AACS: variants seen among roughly 807,000 people sequenced by gnomAD.
The protein encoded by AACS is acetoacetyl-CoA synthetase, also known as acetoacetate-CoA ligase.
In AACS, 69 loss-of-function variants were observed where a neutral mutation model predicts 83.1. The observed-to-expected ratio is 0.83, with a 90% CI of 0.68 to 1.01. AACS has a LOEUF of 1.01. AACS is among the 50% of genes least tolerant of loss of function. AACS has a pLI of 0.00. For synonymous variants in AACS, 333 were observed against 343.4 expected (o/e 0.97, Z 0.33); for missense variants, 866 against 882.2 (o/e 0.98, Z 0.23).
At chr12:125,134,959 C>G (rs1303267463) in intron 16 of AACS, 107 bp downstream of exon 16, 4 of 1,296,100 alleles carry the variant, frequency 3.1e-6, no homozygotes, top group Non-Finnish European at 4.4e-6. Flanking sequence ...CCCTTGTTCT[C>G]TGGTGTGACA....
chr12:125,077,956 C>G (rs551811221), intron 3 of AACS: 1 of 359,772 alleles, frequency 2.8e-6, no homozygotes, highest in African/African-American at 2.1e-5. Context: ...TGATTCCCCC[C>G]GCCTCGGCCT....
intron 4 of AACS, among the ~76,000 whole-genome samples, chr12:125,087,461 G>A (rs1022875100): frequency 1.3e-5 from 2 of 152,242 alleles, no homozygotes; most frequent in Non-Finnish European, 2.9e-5. Flanking sequence ...GATGCAGGTA[G>A]GTGTGTACAT....
rs777134166 is a variant in AACS, at chr12:125,129,420, C to T, written c.1509C>T (p.Asn503=). Residue 503 remains asparagine, a synonymous_variant, in exon 14 of 18, where the codon AAC becomes AAT. Coordinates refer to ENST00000316519, the MANE Select transcript of AACS (RefSeq NM_023928.5). This position sits in a 1 kb window ranked among gnomAD's most constrained non-coding sequence, Gnocchi z 4.3. ...CQPTHFWNDE[N]GNKYRKAYFS... ...CCACACACTTCTGGAACGATGAGAA[C>T]GGCAACAAGTACAGGAAGGCGTATT... 38 of 1,613,970 alleles carry T rather than the reference C, an allele frequency of 2.4e-5. No individual in the cohort carries two copies. Among genetic ancestry groups the T allele is most frequent in the South Asian group, 2.1e-4 (19 of 91,068 alleles).
At chr12:125,088,853 A>G (rs1956398389) in intron 4 of AACS, among the ~76,000 whole-genome samples, 3 of 152,168 alleles carry the variant, frequency 2.0e-5, no homozygotes, top group Admixed American at 2.0e-4. Context: ...TCTCAGTTGG[A>G]TACGGATTTG....
rs1592987867 is a variant in AACS, at chr12:125,114,411, A to G, written c.916-66A>G. On this transcript the variant is annotated intron_variant, in intron 8 of 17. Transcript: ENST00000316519. The stretch of plus-strand genomic sequence containing the variant: ...GCAGCGTCTGAGCAGCGCGTGGGCC[A>G]GGTACCAGATTCCTGGTACTGTATG... The G allele has an allele frequency of 3.7e-6, 5 of 1,348,846 alleles. No homozygotes were observed. The East Asian group carries it at 7.0e-5, about 19-fold the overall frequency. The allele number at this position is 1,348,846 out of a possible 1,614,324, so 83.6% of individuals were successfully genotyped here. A position where few individuals can be genotyped will look rare whatever the true frequency, so the allele number is the denominator to read the frequency against.
chr12:125,137,037 A>G (rs973765174), intron 17 of AACS, among the ~76,000 whole-genome samples, 173 bp downstream of exon 17: 3 of 152,170 alleles, frequency 2.0e-5, no homozygotes, highest in Non-Finnish European at 4.4e-5. Flanking sequence ...CTAAGACTGC[A>G]TTTAAAGCAA....
At chr12:125,117,117 A>AT (rs1399256236) in intron 9 of AACS, among the ~76,000 whole-genome samples, 19 of 150,964 alleles carry the variant, frequency 1.3e-4, no homozygotes, top group Non-Finnish European at 2.4e-4. Flanking sequence ...AATTAAAATA[A>AT]TTTTTTTTTG....
chr12:125,142,177 A>G lies in AACS; in HGVS notation c.1967A>G (p.Asn656Ser), dbSNP rs1957510137. 1.2e-6 allele frequency: 2 copies of G among 1,613,776 alleles called. No homozygotes were observed. The highest frequency in any genetic ancestry group is 2.7e-5 in the African/African-American group (2 of 74,820). ...KAVEQGGAFS[N>S]PETLDLYRDI... ...GTGGAGCAAGGAGGTGCTTTCTCGA[A>G]CCCCGAGACCCTGGATCTGTACCGG... Residue 656 changes from asparagine to serine, a missense_variant, in exon 18 of 18, where the codon AAC (asparagine) becomes AGC (serine). By Grantham distance (46) the Asn-to-Ser change is conservative (BLOSUM62 1). Coordinates refer to ENST00000316519, the MANE Select transcript of AACS (RefSeq NM_023928.5).
chr12:125,074,975 G>GT (rs34831405), intron 2 of AACS, among the ~76,000 whole-genome samples: 49,422 of 113,452 alleles, frequency 0.44, 11,081 homozygotes, highest in Non-Finnish European at 0.5. Context: ...CATTGTCATA[G>GT]TTTTTTTTTT....
chr12:125,118,461 T>C, intron 9 of AACS, 180 bp from the exon 10 acceptor site: 1 of 702,020 alleles, frequency 1.4e-6, no homozygotes, highest in Non-Finnish European at 2.3e-6. Flanking sequence ...AATATGTCTG[T>C]GTGATCCATT....
Position 125,073,882 on chromosome 12 carries a change from A to T in AACS, c.140A>T (p.Tyr47Phe), listed in dbSNP as rs1955944999. The change falls in exon 2 of 18, where the codon TAT (tyrosine) becomes TTT (phenylalanine). Residue 47 changes from tyrosine to phenylalanine, a missense_variant. Tyr to Phe is a conservative substitution (Grantham distance 22). Transcript: ENST00000316519. ...GAACGLALES[Y>F]DDLYHWSVES... is the part of the protein sequence containing the mutation. ...TGAGCTATTTCATTTTTAGAGAGTT[A>T]TGATGACTTGTACCATTGGTCCGTT... 6.2e-7 allele frequency: 1 copy of T among 1,612,122 alleles called. No individual in the cohort carries two copies. The highest frequency in any genetic ancestry group is 8.5e-7 in the Non-Finnish European group (1 of 1,179,298).
At chr12:125,133,157 T>A (rs113884877) in intron 14 of AACS, among the ~76,000 whole-genome samples, 16 of 152,326 alleles carry the variant, frequency 1.1e-4, no homozygotes, top group African/African-American at 3.8e-4. Flanking sequence ...GTGTGGCTGA[T>A]CAAGGGCTGG....
At chr12:125,100,010 A>G (rs1419280494) in intron 5 of AACS, among the ~76,000 whole-genome samples, 4 of 152,042 alleles carry the variant, frequency 2.6e-5, no homozygotes, top group Admixed American at 2.0e-4. Context: ...AGATTTTTCA[A>G]GAAGCTTACT....
chr12:125,118,607 G>T, intron 9 of AACS, 34 bp from the exon 10 acceptor site: 1 of 1,612,222 alleles, frequency 6.2e-7, no homozygotes, highest in Non-Finnish European at 8.5e-7. Flanking sequence ...GCTGCCTAGC[G>T]CCCGCTGAAG....
At chr12:125,071,330 G>A (rs1250499345) in intron 1 of AACS, among the ~76,000 whole-genome samples, 1 of 152,182 alleles carries the variant, frequency 6.6e-6, no homozygotes, top group Non-Finnish European at 1.5e-5. Flanking sequence ...GCCCTCTCAG[G>A]TTGGAAAGGG....
intron 3 of AACS, among the ~76,000 whole-genome samples, chr12:125,085,746 T>TA (rs1056343913): frequency 2.7e-4 from 39 of 147,160 alleles, no homozygotes; most frequent in South Asian, 4.3e-4. Flanking sequence ...AATCTGTAAT[T>TA]AAAAAAAAAA....
chr12:125,074,536 G>C (rs531907631), intron 2 of AACS, among the ~76,000 whole-genome samples: 1 of 151,536 alleles, frequency 6.6e-6, no homozygotes, highest in Non-Finnish European at 1.5e-5. Context: ...AATAGAGCCA[G>C]ACCCTGTCTC....
chr12:125,099,363 C>T (rs923807355), intron 5 of AACS, among the ~76,000 whole-genome samples: 6 of 152,226 alleles, frequency 3.9e-5, no homozygotes, highest in African/African-American at 1.4e-4. Flanking sequence ...AGACCTTTGT[C>T]ACTTCAGCTG....
rs377175023 is a variant in AACS, at chr12:125,128,261, G to A, written c.1410G>A (p.Ala470=). The A allele has an allele frequency of 2.9e-5, 47 of 1,611,644 alleles. No homozygotes were observed. The highest frequency in any genetic ancestry group is 3.3e-5 in the Admixed American group (2 of 59,886). Residue 470 remains alanine, a synonymous_variant, in exon 13 of 18, where the codon GCG becomes GCA. Transcript: ENST00000316519. The part of the protein sequence containing the change: ...QARNLGMAVE[A]WNEEGKAVWG... ...GGAACCTGGGCATGGCCGTGGAAGC[G>A]TGGAACGAGGAAGGTGATGGCTCCA...
Sources: allele counts gnomAD v4.1 joint callset (sites outside exome capture counted in the v4.1 genomes callset), GRCh38; gene constraint gnomAD v4.1.1; non-coding constraint Gnocchi (gnomAD v3.1); transcripts MANE v1.5; gene names NCBI Gene and HGNC (gene_info 2026-07-23, HGNC 2026-07-21).